SEMA3D: variants seen among roughly 807,000 people sequenced by gnomAD.
SEMA3D encodes semaphorin-3D.
Under a neutral mutation model 100.1 loss-of-function variants are expected in SEMA3D, and 84 were observed. The ratio of observed to expected loss-of-function variants is 0.84; its 90% CI spans 0.70 to 1.01. The LOEUF (loss-of-function observed/expected upper bound fraction) is 1.01, where lower values mean the gene tolerates loss of function less well. Ranked by LOEUF, SEMA3D falls within the 50% of genes least tolerant of loss-of-function variation. The pLI is 0.00. For synonymous variants in SEMA3D, 312 were observed against 320.7 expected (o/e 0.97, Z 0.29); for missense variants, 875 against 934.1 (o/e 0.94, Z 0.82).
At chr7:85,217,290 A>G in the SEMA3D span, among the ~76,000 whole-genome samples, 1 of 152,138 alleles carries the variant, frequency 6.6e-6, no homozygotes, top group African/African-American at 2.4e-5. Flanking sequence ...CCTGTTTCCA[A>G]GCCAGACTAA....
rs145133884 is a variant in SEMA3D at position 85,036,604 on chromosome 7, T to C, written c.1191+285A>G. On this transcript the variant is annotated intron_variant, in intron 12 of 18. Transcript: ENST00000284136. ...AATTTAGAATAGCTGTCATTCTAGATAACTAAATCTTTCCAATGATTCTAT... is the reference window on the plus strand; with the variant it reads ...AATTTAGAATAGCTGTCATTCTAGACAACTAAATCTTTCCAATGATTCTAT... Among the ~76,000 whole-genome samples the C allele has an allele frequency of 3.7e-3, 567 of 152,234 alleles. 4 individuals are homozygous for C. The highest frequency in any genetic ancestry group is 0.013 in the African/African-American group (523 of 41,560).
the SEMA3D span, among the ~76,000 whole-genome samples, chr7:85,220,920 G>A: frequency 1.3e-5 from 2 of 152,100 alleles, no homozygotes; most frequent in Non-Finnish European, 1.5e-5. Flanking sequence ...AGGACAAAGA[G>A]TTCAACACAA....
chr7:85,150,368 T>TATA (rs1554348719), intron 2 of SEMA3D, among the ~76,000 whole-genome samples: 1 of 130,002 alleles, frequency 7.7e-6, no homozygotes, highest in East Asian at 2.2e-4. Flanking sequence ...TATATATATA[T>TATA]TATATATATA....
the SEMA3D span, among the ~76,000 whole-genome samples, chr7:85,233,979 G>A: frequency 6.6e-5 from 10 of 152,232 alleles, no homozygotes; most frequent in African/African-American, 1.9e-4. Context: ...AATGAAGAAA[G>A]CATATTAGAC....
intron 2 of SEMA3D, among the ~76,000 whole-genome samples, chr7:85,126,397 T>TGTGTC (rs1562828051): frequency 7.1e-5 from 8 of 113,304 alleles, no homozygotes; most frequent in Non-Finnish European, 1.2e-4. Context: ...TGTGTGTGTG[T>TGTGTC]GTGTGTCGTG....
chr7:85,022,313 T>C, intron 13 of SEMA3D, 78 bp downstream of exon 13: 1 of 931,628 alleles, frequency 1.1e-6, no homozygotes, highest in South Asian at 1.4e-5. Context: ...GACCAATAAA[T>C]ATTTTTGAAG....
At chr7:85,060,951 C>T (rs944379490) in intron 8 of SEMA3D, among the ~76,000 whole-genome samples, 23 of 152,222 alleles carry the variant, frequency 1.5e-4, no homozygotes, top group Middle Eastern at 6.8e-3. Context: ...CGTTATTGTT[C>T]GCTTTCATCT....
At chr7:85,090,098 T>C (rs955503798) in intron 4 of SEMA3D, among the ~76,000 whole-genome samples, 4 of 152,132 alleles carry the variant, frequency 2.6e-5, no homozygotes, top group Non-Finnish European at 4.4e-5. Context: ...CTTACTGAAG[T>C]TTAGTAAGCA....
At chr7:85,045,549 T>C in intron 9 of SEMA3D, among the ~76,000 whole-genome samples, 1 of 151,938 alleles carries the variant, frequency 6.6e-6, no homozygotes, top group East Asian at 1.9e-4. Flanking sequence ...TTTCAGCCAG[T>C]TATTGGATGA....
chr7:85,188,718 G>A (rs935246831), upstream of SEMA3D, among the ~76,000 whole-genome samples: 1 of 151,998 alleles, frequency 6.6e-6, no homozygotes, highest in Non-Finnish European at 1.5e-5. Flanking sequence ...GTTAACTTTG[G>A]ATTTCCCATT....
At position 85,104,416 on chromosome 7, in the gene SEMA3D, A is replaced by T. The variant is rs1192331842; in HGVS notation, c.152-6451T>A. 3.3e-5 allele frequency among the ~76,000 whole-genome samples: 5 copies of T among 152,114 alleles called. No homozygotes were observed. The East Asian group carries it at 9.7e-4, about 30-fold the overall frequency. Reference sequence around the variant, plus strand: ...TAATAAAATGAATCTCCTAATTGATAGCCAGATGCTCTGCTATTTAAGGGG... The same window carrying T: ...TAATAAAATGAATCTCCTAATTGATTGCCAGATGCTCTGCTATTTAAGGGG... On this transcript the variant is annotated intron_variant, in intron 3 of 18. Transcript: ENST00000284136.
intron 9 of SEMA3D, 24 bp downstream of exon 9, chr7:85,055,693 G>C: frequency 1.9e-6 from 1 of 532,122 alleles, no homozygotes; most frequent in Non-Finnish European, 2.7e-6. Flanking sequence ...TATGTTTTAA[G>C]TAAAATATAT....
chr7:85,143,968 C>T (rs2116469349), intron 2 of SEMA3D, among the ~76,000 whole-genome samples: 1 of 152,142 alleles, frequency 6.6e-6, no homozygotes, highest in Admixed American at 6.6e-5. Flanking sequence ...ACCTCTGCCT[C>T]CCAAAGTACT....
the SEMA3D span, among the ~76,000 whole-genome samples, chr7:85,197,143 C>A: frequency 1.3e-5 from 2 of 152,134 alleles, no homozygotes; most frequent in East Asian, 3.9e-4. Context: ...TGAAATGGCC[C>A]TGCAAAGCTG....
In SEMA3D at chr7:85,109,023, T is replaced by C. The variant is rs1256198111; in HGVS notation, c.152-11058A>G. On this transcript the variant is annotated intron_variant, in intron 3 of 18. Coordinates refer to ENST00000284136, the MANE Select transcript of SEMA3D (RefSeq NM_001384900.1). Reference sequence around the variant, plus strand: ...CTGTTATCTGTGGTAGCAAAAATTCTACCCAAGATGCTCAACTACAATTAT... The same window carrying C: ...CTGTTATCTGTGGTAGCAAAAATTCCACCCAAGATGCTCAACTACAATTAT... Among the ~76,000 whole-genome samples, 3 of 151,980 alleles carry C rather than the reference T, an allele frequency of 2.0e-5. No individual in the cohort carries two copies. The East Asian group carries it at 5.8e-4, about 29-fold the overall frequency.
At chr7:85,039,179 A>G (rs762503481) in intron 11 of SEMA3D, among the ~76,000 whole-genome samples, 1 of 152,156 alleles carries the variant, frequency 6.6e-6, no homozygotes, top group East Asian at 1.9e-4. Flanking sequence ...CTTTGAACAT[A>G]GTCAAATTTA....
At chr7:85,203,028 T>G in the SEMA3D span, among the ~76,000 whole-genome samples, 1 of 152,206 alleles carries the variant, frequency 6.6e-6, no homozygotes, top group Non-Finnish European at 1.5e-5. Context: ...TAAAATGAGG[T>G]AGGACAGAAT....
At chr7:85,036,852 T>G (rs746844582) in intron 12 of SEMA3D, 37 bp downstream of exon 12, 3 of 1,531,806 alleles carry the variant, frequency 2.0e-6, no homozygotes, top group Non-Finnish European at 1.8e-6. Context: ...AAATATGAGC[T>G]TAAGAAAATA....
intron 16 of SEMA3D, among the ~76,000 whole-genome samples, chr7:85,013,841 T>A (rs1790024765): frequency 6.6e-6 from 1 of 151,774 alleles, no homozygotes; most frequent in Non-Finnish European, 1.5e-5. Context: ...AGAATGTTTT[T>A]AAATCTTAGC....
Sources: gnomAD v4.1 joint callset for allele counts (sites outside exome capture counted in the v4.1 genomes callset) on GRCh38, gnomAD v4.1.1 for gene constraint, MANE v1.5 for transcripts, NCBI Gene and HGNC (gene_info 2026-07-23, HGNC 2026-07-21) for gene names.